FGF10: variants seen among roughly 807,000 people sequenced by gnomAD.
FGF10 encodes the protein fibroblast growth factor 10, also known as FGF-10.
FGF10 carries 2 observed loss-of-function variants against 19.8 expected under a neutral mutation model. The ratio of observed to expected loss-of-function variants is 0.10; its 90% CI spans 0.04 to 0.32. The LOEUF (loss-of-function observed/expected upper bound fraction) is 0.32, where lower values mean the gene tolerates loss of function less well. FGF10 is among the 10% of genes least tolerant of loss of function. The probability of loss-of-function intolerance (pLI) is 1.00; values close to 1 mark genes in which losing one functional copy is unlikely to be tolerated. For synonymous variants in FGF10, 112 were observed against 94.0 expected (o/e 1.19, Z -1.10); for missense variants, 191 against 246.3 (o/e 0.78, Z 1.50).
At chr5:44,330,023 A>G (rs1321643999) in intron 1 of FGF10, among the ~76,000 whole-genome samples, 1 of 152,138 alleles carries the variant, frequency 6.6e-6, no homozygotes, top group Non-Finnish European at 1.5e-5. Context: ...GTCCTTTTAT[A>G]TTTATGAGCT....
At chr5:44,372,056 G>A (rs534171785) in intron 1 of FGF10, among the ~76,000 whole-genome samples, 2 of 152,106 alleles carry the variant, frequency 1.3e-5, no homozygotes, top group Non-Finnish European at 2.9e-5. Flanking sequence ...TTACTACAAA[G>A]TTGATGGCTT....
At chr5:44,327,703 C>T (rs1040542440) in intron 1 of FGF10, among the ~76,000 whole-genome samples, 1 of 152,186 alleles carries the variant, frequency 6.6e-6, no homozygotes, top group African/African-American at 2.4e-5. Flanking sequence ...GCTTTCTCAT[C>T]CCTCTTTGCC....
intron 1 of FGF10, among the ~76,000 whole-genome samples, chr5:44,321,605 G>A: frequency 6.6e-6 from 1 of 152,186 alleles, no homozygotes. Context: ...TCTATGCACT[G>A]TGTCATCTAC....
At chr5:44,322,438 C>T (rs537100266) in intron 1 of FGF10, among the ~76,000 whole-genome samples, 10 of 152,280 alleles carry the variant, frequency 6.6e-5, no homozygotes, top group East Asian at 1.9e-4. Context: ...TACATGATCA[C>T]TTACCTCAGC....
At chr5:44,336,092 T>A (rs748181807) in intron 1 of FGF10, among the ~76,000 whole-genome samples, 1 of 152,008 alleles carries the variant, frequency 6.6e-6, no homozygotes, top group African/African-American at 2.4e-5. Context: ...ACTTGCATGT[T>A]TTTCATCATA....
intron 1 of FGF10, among the ~76,000 whole-genome samples, chr5:44,362,897 G>A (rs188328799): frequency 6.7e-4 from 102 of 151,712 alleles, no homozygotes; most frequent in Non-Finnish European, 1.1e-3. Flanking sequence ...AGCACTTACT[G>A]TACTGTATGA....
intron 1 of FGF10, among the ~76,000 whole-genome samples, chr5:44,333,251 A>G (rs1049719164): frequency 2.0e-5 from 3 of 152,148 alleles, no homozygotes; most frequent in Non-Finnish European, 4.4e-5. Context: ...TGTTGGTGGA[A>G]CACTGAGTAT....
At chr5:44,312,756 T>C (rs994030064) in intron 1 of FGF10, among the ~76,000 whole-genome samples, 4 of 152,116 alleles carry the variant, frequency 2.6e-5, no homozygotes, top group African/African-American at 9.7e-5. Flanking sequence ...TATTCTCTTA[T>C]GTATACTTTT....
At chr5:44,355,907 C>G (rs1741337004) in intron 1 of FGF10, among the ~76,000 whole-genome samples, 1 of 151,390 alleles carries the variant, frequency 6.6e-6, no homozygotes, top group Admixed American at 6.6e-5. Context: ...ACTTGATCCA[C>G]TAATACTTTA....
chr5:44,317,324 T>A (rs1238777108), intron 1 of FGF10, among the ~76,000 whole-genome samples: 1 of 152,192 alleles, frequency 6.6e-6, no homozygotes, highest in Non-Finnish European at 1.5e-5. Context: ...TCTTTCACAG[T>A]ATGCTAAATA....
intron 1 of FGF10, among the ~76,000 whole-genome samples, chr5:44,310,738 G>A (rs1371920074): frequency 6.6e-6 from 1 of 151,914 alleles, no homozygotes; most frequent in Non-Finnish European, 1.5e-5. Context: ...ATAGAAAAAA[G>A]TAATAAGGCT....
At position 44,301,952 on chromosome 5, in the gene FGF10, A is replaced by C. The variant is rs1429481113; in HGVS notation, c.*3043T>G. ...CGAGTTAGGAGGAGGGAGTGATTCTATATCTTTATGAGGAGTATTCTCAGA... is the reference window on the plus strand; with the variant it reads ...CGAGTTAGGAGGAGGGAGTGATTCTCTATCTTTATGAGGAGTATTCTCAGA... On this transcript the variant is annotated 3_prime_UTR_variant, in exon 3 of 3. Transcript: ENST00000264664. 3.9e-5 allele frequency among the ~76,000 whole-genome samples: 6 copies of C among 152,140 alleles called. No individual in the cohort carries two copies.
At chr5:44,345,459 T>A (rs1561208754) in intron 1 of FGF10, among the ~76,000 whole-genome samples, 1 of 151,826 alleles carries the variant, frequency 6.6e-6, no homozygotes, top group Non-Finnish European at 1.5e-5. Context: ...ATCATCAATA[T>A]CTGACAATGT....
At chr5:44,376,518 C>CAAAAAAAAAAAAAAAAAAAAAAA (rs1265124775) in intron 1 of FGF10, among the ~76,000 whole-genome samples, 2 of 72,694 alleles carry the variant, frequency 2.8e-5, no homozygotes, top group African/African-American at 9.6e-5. Context: ...AAAAAAAAAA[C>CAAAAAAAAAAAAAAAAAAAAAAA]AAAAAACCCA....
At chr5:44,323,597 T>C (rs1199994929) in intron 1 of FGF10, among the ~76,000 whole-genome samples, 1 of 152,156 alleles carries the variant, frequency 6.6e-6, no homozygotes, top group East Asian at 1.9e-4. Context: ...TGTAATTAAA[T>C]GTGGGAAATG....
intron 1 of FGF10, among the ~76,000 whole-genome samples, chr5:44,350,088 G>T (rs891142676): frequency 2.0e-5 from 3 of 150,776 alleles, no homozygotes. Context: ...AGTTGAAATT[G>T]TCCACGTCAA....
chr5:44,316,696 A>C (rs1272991960), intron 1 of FGF10, among the ~76,000 whole-genome samples: 3 of 152,318 alleles, frequency 2.0e-5, no homozygotes, highest in Admixed American at 1.3e-4. Flanking sequence ...ACAACAAGAA[A>C]AATTTTAAAC....
chr5:44,330,543 G>A (rs1740708789), intron 1 of FGF10, among the ~76,000 whole-genome samples: 1 of 152,188 alleles, frequency 6.6e-6, no homozygotes, highest in Non-Finnish European at 1.5e-5. Context: ...ACATGAGTGT[G>A]TCACTAATAT....
chr5:44,310,833 T>C (rs751139335), intron 1 of FGF10, among the ~76,000 whole-genome samples: 5 of 152,122 alleles, frequency 3.3e-5, no homozygotes, highest in Non-Finnish European at 7.4e-5. Context: ...AACTCTGCAT[T>C]TTCAACCCTA....
Sources: allele counts gnomAD v4.1 joint callset (sites outside exome capture counted in the v4.1 genomes callset), GRCh38; gene constraint gnomAD v4.1.1; transcripts MANE v1.5; gene names NCBI Gene and HGNC (gene_info 2026-07-23, HGNC 2026-07-21).